The following DLC1 variants were observed in gnomAD, a reference collection of about 807,000 sequenced individuals.
DLC1 encodes the protein DLC1 Rho GTPase activating protein, also known as rho GTPase-activating protein 7.
A neutral mutation model predicts 140.3 loss-of-function variants in DLC1; 54 were observed. The ratio of observed to expected loss-of-function variants is 0.38; its 90% CI spans 0.31 to 0.48. DLC1 has a LOEUF of 0.48. Among genes scored for constraint, DLC1 ranks in the 20% least tolerant of loss-of-function variants. The probability of loss-of-function intolerance (pLI) is 0.96; values close to 1 mark genes in which losing one functional copy is unlikely to be tolerated. For missense variants in DLC1, 2,536 were observed against 1,907.0 expected, an observed-to-expected ratio of 1.33 and a Z score of -6.14; for synonymous variants, 986 against 728.1, an observed-to-expected ratio of 1.35 and a Z score of -5.70.
chr8:13,107,594 A>G (rs985553974), intron 7 of DLC1, among the ~76,000 whole-genome samples: 4 of 152,376 alleles, frequency 2.6e-5, no homozygotes, highest in East Asian at 1.9e-4. Context: ...CAAAATTTCA[A>G]ATAATACTGG....
chr8:13,188,083 T>G (rs1826491374), intron 5 of DLC1, among the ~76,000 whole-genome samples: 1 of 26,432 alleles, frequency 3.8e-5, no homozygotes, highest in Non-Finnish European at 8.7e-5. Context: ...AGTGGCAATT[T>G]TTTTTTTTTT....
intron 5 of DLC1, among the ~76,000 whole-genome samples, chr8:13,290,748 T>C (rs1260976376): frequency 6.6e-6 from 1 of 152,066 alleles, no homozygotes; most frequent in Non-Finnish European, 1.5e-5. Flanking sequence ...CTGGAGATGA[T>C]ATAAAAGGAA....
intron 7 of DLC1, among the ~76,000 whole-genome samples, chr8:13,104,184 C>T (rs1306939833): frequency 1.3e-5 from 2 of 152,026 alleles, no homozygotes; most frequent in African/African-American, 2.4e-5. Flanking sequence ...CGTACTGTAA[C>T]TTCAAGGATC....
chr8:13,205,117 C>T (rs1399234567), intron 5 of DLC1, among the ~76,000 whole-genome samples: 3 of 151,940 alleles, frequency 2.0e-5, no homozygotes, highest in Non-Finnish European at 4.4e-5. Context: ...TGCCAAAAAA[C>T]TACATTGCAA....
At position 13,294,453 on chromosome 8, in the gene DLC1, A is replaced by T. The variant is rs140561350; in HGVS notation, c.1348+10816T>A. Among the ~76,000 whole-genome samples, 68 of 152,322 alleles carry T rather than the reference A, an allele frequency of 4.5e-4. 1 individual carries two copies. In the East Asian group the frequency reaches 0.011, roughly 25 times the overall value. On this transcript the variant is annotated intron_variant, in intron 5 of 17. Coordinates refer to ENST00000276297, the MANE Select transcript of DLC1 (RefSeq NM_182643.3). ...GTTATATCATTTCGGAAAGCATGAA[A>T]TTAATGTGAGCAGGAGTTATCATAG... is the stretch of plus-strand genomic sequence containing the variant.
At chr8:13,552,461 C>T (rs931486246) in intron 1 of DLC1, among the ~76,000 whole-genome samples, 2 of 150,502 alleles carry the variant, frequency 1.3e-5, no homozygotes, top group Non-Finnish European at 1.5e-5. Flanking sequence ...AATATATATA[C>T]AATAAAAAAC....
intron 5 of DLC1, among the ~76,000 whole-genome samples, chr8:13,198,834 A>T (rs767504004): frequency 4.6e-5 from 7 of 151,326 alleles, no homozygotes; most frequent in Non-Finnish European, 8.8e-5. Context: ...CTCCTGCCTC[A>T]GCCTCCCAAG....
At chr8:13,232,138 G>T (rs1729161) in intron 5 of DLC1, among the ~76,000 whole-genome samples, 71,818 of 151,890 alleles carry the variant, frequency 0.47, 17,477 homozygotes, top group East Asian at 0.83. Flanking sequence ...GACAATTTAG[G>T]GTCAGTGGCA....
chr8:13,468,345 TCCCC>T (rs1800044201), intron 2 of DLC1, among the ~76,000 whole-genome samples: 2 of 26,660 alleles, frequency 7.5e-5, no homozygotes, highest in Non-Finnish European at 1.4e-4. Context: ...CCCATTCCCC[TCCCC>T]TCCCCTCCCC....
At chr8:13,260,603 T>C (rs1329083174) in intron 5 of DLC1, among the ~76,000 whole-genome samples, 1 of 151,626 alleles carries the variant, frequency 6.6e-6, no homozygotes, top group Non-Finnish European at 1.5e-5. Flanking sequence ...AGTTTAAAGG[T>C]GAGGATAGGA....
intron 5 of DLC1, among the ~76,000 whole-genome samples, chr8:13,194,461 G>A (rs1219323796): frequency 6.6e-6 from 1 of 152,296 alleles, no homozygotes; most frequent in East Asian, 1.9e-4. Context: ...GCATCAGGCA[G>A]TCCTGGAGTA....
Position 13,144,480 on chromosome 8 carries a change from C to G in DLC1, c.1349-28823G>C, listed in dbSNP as rs555369584. 2.0e-5 allele frequency among the ~76,000 whole-genome samples: 3 copies of G among 152,314 alleles called. No homozygotes were observed. The South Asian group carries it at 6.2e-4, about 32-fold the overall frequency. ...AGACAATTCCCTTAATAAATTATCT[C>G]TCGGGCCCAGCACAGTGGCTCATGC... is the stretch of plus-strand genomic sequence containing the variant. On this transcript the variant is annotated intron_variant, in intron 5 of 17. Transcript: ENST00000276297.
chr8:13,603,879 C>T (rs1471881419), intron 1 of DLC1, among the ~76,000 whole-genome samples: 1 of 152,012 alleles, frequency 6.6e-6, no homozygotes, highest in African/African-American at 2.4e-5. Context: ...AAAGCTATGC[C>T]TTTGAGAATA....
chr8:13,168,274 G>A (rs1382172671), intron 5 of DLC1, among the ~76,000 whole-genome samples: 1 of 151,966 alleles, frequency 6.6e-6, no homozygotes, highest in African/African-American at 2.4e-5. Context: ...ATTATTGGCT[G>A]GATTCTCAAA....
chr8:13,094,293 G>T (rs1023435298), intron 12 of DLC1, among the ~76,000 whole-genome samples: 1 of 152,184 alleles, frequency 6.6e-6, no homozygotes, highest in Non-Finnish European at 1.5e-5. Context: ...ACAGAAACCT[G>T]TTCCACAAAC....
At chr8:13,603,887 A>G (rs1488445973) in intron 1 of DLC1, among the ~76,000 whole-genome samples, 1 of 152,130 alleles carries the variant, frequency 6.6e-6, no homozygotes, top group Non-Finnish European at 1.5e-5. Flanking sequence ...GCCTTTGAGA[A>G]TATAAGCTTG....
chr8:13,193,099 C>T (rs1826854864), intron 5 of DLC1, among the ~76,000 whole-genome samples: 1 of 152,172 alleles, frequency 6.6e-6, no homozygotes, highest in Admixed American at 6.5e-5. Context: ...CAGGACTTTT[C>T]TTCTTTAAGT....
At chr8:13,435,871 T>C (rs1027307579) in intron 2 of DLC1, among the ~76,000 whole-genome samples, 3 of 152,180 alleles carry the variant, frequency 2.0e-5, no homozygotes, top group African/African-American at 7.2e-5. Flanking sequence ...CAAACTTTAT[T>C]GTTGACTTAT....
At chr8:13,278,674 C>T (rs1253699746) in intron 5 of DLC1, among the ~76,000 whole-genome samples, 1 of 152,132 alleles carries the variant, frequency 6.6e-6, no homozygotes, top group African/African-American at 2.4e-5. Flanking sequence ...CACACAGTCA[C>T]TCCCAGCATG....
Sources: allele counts gnomAD v4.1 joint callset (sites outside exome capture counted in the v4.1 genomes callset), GRCh38; gene constraint gnomAD v4.1.1; transcripts MANE v1.5; gene names NCBI Gene and HGNC (gene_info 2026-07-23, HGNC 2026-07-21).